The following GNB4 variants were observed in gnomAD, a reference collection of about 807,000 sequenced individuals.
GNB4 encodes guanine nucleotide-binding protein subunit beta-4.
GNB4 carries 28 observed loss-of-function variants against 45.2 expected under a neutral mutation model. The ratio of observed to expected loss-of-function variants is 0.62; its 90% confidence interval spans 0.46 to 0.85. The LOEUF is 0.85. Among genes scored for constraint, GNB4 ranks in the 40% least tolerant of loss-of-function variants. The probability of loss-of-function intolerance (pLI) is 0.00; values close to 1 mark genes in which losing one functional copy is unlikely to be tolerated. For missense variants in GNB4, 321 were observed against 425.4 expected (o/e 0.75, Z 2.16); for synonymous variants, 132 against 143.7 (o/e 0.92, Z 0.58).
At chr3:179,451,492 C>A (rs1577043785), upstream of GNB4, 5 of 150,902 alleles carry the variant, frequency 3.3e-5, 1 homozygote, top group African/African-American at 1.2e-4. Flanking sequence ...CACCTCCCAG[C>A]AGCCAACTCC....
the GNB4 span, among the ~76,000 whole-genome samples, chr3:179,499,965 A>T: frequency 6.6e-6 from 1 of 152,156 alleles, no homozygotes; most frequent in East Asian, 1.9e-4. Context: ...AGTTCTTTGT[A>T]GATTCTGGAT....
intron 4 of GNB4, among the ~76,000 whole-genome samples, chr3:179,418,179 G>T (rs1319087304): frequency 6.6e-6 from 1 of 152,024 alleles, no homozygotes; most frequent in Non-Finnish European, 1.5e-5. Context: ...AAAAGAATAA[G>T]ACATTCGGCC....
At chr3:179,425,108 C>G (rs1404208605) in intron 2 of GNB4, among the ~76,000 whole-genome samples, 1 of 152,224 alleles carries the variant, frequency 6.6e-6, no homozygotes, top group Non-Finnish European at 1.5e-5. Context: ...TTCCTCCACC[C>G]TGCTTACCGC....
the GNB4 span, among the ~76,000 whole-genome samples, chr3:179,485,010 T>G: frequency 1.3e-3 from 84 of 62,996 alleles, 1 homozygote; most frequent in East Asian, 4.6e-3. Context: ...GTTTTGTTTT[T>G]TTTTTTTTTT....
the GNB4 span, among the ~76,000 whole-genome samples, chr3:179,461,138 T>C: frequency 6.6e-6 from 1 of 152,174 alleles, no homozygotes; most frequent in Non-Finnish European, 1.5e-5. Context: ...GGCCTGCGTC[T>C]TGGGCTGTTT....
chr3:179,425,694 C>T (rs1025558548), intron 2 of GNB4, among the ~76,000 whole-genome samples: 3 of 152,212 alleles, frequency 2.0e-5, no homozygotes, highest in Non-Finnish European at 4.4e-5. Flanking sequence ...TGGTCTTGAA[C>T]TCCTGACCTC....
rs1714712618 is a variant in GNB4 at position 179,413,590 on chromosome 3, G to A, written c.521C>T (p.Ala174Val). The A allele has an allele frequency of 6.2e-7, 1 of 1,614,130 alleles. No homozygotes were observed. The highest frequency in any genetic ancestry group is 1.7e-5 in the Admixed American group (1 of 60,020). Residue 174 changes from alanine to valine, a missense_variant, in exon 8 of 10, where the codon GCC (alanine) becomes GTC (valine). Physicochemically the swap from Ala to Val is moderately conservative, Grantham distance 64. Coordinates refer to ENST00000232564, the MANE Select transcript of GNB4 (RefSeq NM_021629.4). ...CCCAGTGAATGTGGTGGTCTGCTGG[G>A]CAGTTTCGATGTCCCATAAAGCACT... is the stretch of plus-strand genomic sequence containing the variant. Reference protein sequence around the residue: ...TTCALWDIETAQQTTTFTGHS... With the variant: ...TTCALWDIETVQQTTTFTGHS...
the GNB4 span, among the ~76,000 whole-genome samples, chr3:179,468,035 A>AAAAAAAAAAAAAAATATATATATATATAT: frequency 5.6e-5 from 5 of 89,862 alleles, 1 homozygote; most frequent in South Asian, 9.0e-4. Context: ...TGTTGATAAA[A>AAAAAAAAAAAAAAATATATATATATATAT]ATATATATAT....
chr3:179,402,629 A>G (rs572880879), intron 9 of GNB4, among the ~76,000 whole-genome samples: 86 of 152,332 alleles, frequency 5.6e-4, no homozygotes, highest in African/African-American at 1.9e-3. Context: ...ATGGCAACGA[A>G]CTTTCGTAAG....
rs1244917160 is a variant in GNB4 at position 179,397,818 on chromosome 3, C to T, written c.*3395G>A. On this transcript the variant is annotated 3_prime_UTR_variant, in exon 10 of 10. Coordinates refer to ENST00000232564, the MANE Select transcript of GNB4 (RefSeq NM_021629.4). ...GTGGCGCCATCTCAGCTCACCAAAA[C>T]CTCCACCTCCTGAGTTCAAGTAATT... is the stretch of plus-strand genomic sequence containing the variant. 1 of 151,508 alleles carries T rather than the reference C, an allele frequency of 6.6e-6. No homozygotes were observed. The highest frequency in any genetic ancestry group is 1.5e-5 in the Non-Finnish European group (1 of 68,052). 9.4% of individuals were successfully genotyped at this position (151,508 alleles called of 1,614,324 possible).
chr3:179,432,632 T>C (rs1318073618), intron 1 of GNB4, among the ~76,000 whole-genome samples: 1 of 152,228 alleles, frequency 6.6e-6, no homozygotes, highest in Non-Finnish European at 1.5e-5. Flanking sequence ...TTGACATGTG[T>C]GTACACAATA....
the GNB4 span, among the ~76,000 whole-genome samples, chr3:179,519,502 T>TGTGG: frequency 7.9e-5 from 12 of 151,284 alleles, no homozygotes; most frequent in African/African-American, 1.2e-4. Context: ...CCATAACTGT[T>TGTGG]GTATTGATGG....
the GNB4 span, among the ~76,000 whole-genome samples, chr3:179,487,239 G>T: frequency 6.6e-6 from 1 of 152,314 alleles, no homozygotes; most frequent in African/African-American, 2.4e-5. Context: ...TCACTGCAAT[G>T]AATATGCCAA....
chr3:179,432,291 T>C (rs1046959909), intron 1 of GNB4, among the ~76,000 whole-genome samples: 2 of 152,156 alleles, frequency 1.3e-5, no homozygotes, highest in Non-Finnish European at 2.9e-5. Context: ...TGCCCTTTTT[T>C]CCCCTTTCCT....
chr3:179,501,645 T>C, the GNB4 span, among the ~76,000 whole-genome samples: 284 of 152,294 alleles, frequency 1.9e-3, 2 homozygotes, highest in African/African-American at 5.9e-3. Flanking sequence ...ATTTCTTATT[T>C]CCTCTTGGAC....
the GNB4 span, among the ~76,000 whole-genome samples, chr3:179,470,747 G>T: frequency 4.6e-5 from 7 of 151,804 alleles, no homozygotes; most frequent in Non-Finnish European, 2.9e-5. Flanking sequence ...GTTTTATCGT[G>T]TTAGCCAGGA....
the GNB4 span, among the ~76,000 whole-genome samples, chr3:179,484,593 A>AT: frequency 2.3e-3 from 335 of 148,422 alleles, 1 homozygote; most frequent in Non-Finnish European, 3.1e-3. Context: ...GTATAGTGCC[A>AT]TTTTTTTTTT....
At position 179,408,457 on chromosome 3, in the gene GNB4, TAA is replaced by T. The variant is rs1025766073; in HGVS notation, c.700-3053_700-3052del. Among the ~76,000 whole-genome samples, 33 of 151,994 alleles carry T rather than the reference TAA, an allele frequency of 2.2e-4. 1 individual carries two copies. Among genetic ancestry groups the T allele is most frequent in the African/African-American group, 7.0e-4 (29 of 41,360 alleles). Reference sequence around the variant, plus strand: ...CAAGTGGTTTAATGTCTATGTAACTTAAAGTCTCCAAAGGAAGGAAGAGAGGA... The same window carrying T: ...CAAGTGGTTTAATGTCTATGTAACTTAGTCTCCAAAGGAAGGAAGAGAGGA... On this transcript the variant is annotated intron_variant, in intron 8 of 9. Transcript: ENST00000232564.
intron 1 of GNB4, among the ~76,000 whole-genome samples, chr3:179,444,391 C>A (rs1715667353): frequency 6.6e-6 from 1 of 150,850 alleles, no homozygotes; most frequent in Admixed American, 6.6e-5. Context: ...GTTTTTTAGA[C>A]CACACGGCAA....
Sources: allele counts gnomAD v4.1 joint callset (sites outside exome capture counted in the v4.1 genomes callset), GRCh38; gene constraint gnomAD v4.1.1; transcripts MANE v1.5; gene names NCBI Gene and HGNC (gene_info 2026-07-23, HGNC 2026-07-21).